The following TAF11 variants were observed in gnomAD, a reference collection of about 807,000 sequenced individuals.
TAF11 encodes the protein TATA-box binding protein associated factor 11.
Under a neutral mutation model 23.0 loss-of-function variants are expected in TAF11, and 10 were observed. The observed-to-expected ratio is 0.43, with a 90% CI of 0.27 to 0.74. The LOEUF (loss-of-function observed/expected upper bound fraction) is 0.74. TAF11 is among the 30% of genes least tolerant of loss of function. The pLI is 0.19. For missense variants in TAF11, 196 were observed against 261.7 expected, an observed-to-expected ratio of 0.75 and a Z score of 1.73; for synonymous variants, 85 against 95.8, an observed-to-expected ratio of 0.89 and a Z score of 0.66.
In TAF11 at chr6:34,880,173, T is replaced by A; in HGVS notation, c.409-110A>T. On this transcript the variant is annotated intron_variant, in intron 3 of 4. Coordinates refer to ENST00000361288, the MANE Select transcript of TAF11 (RefSeq NM_005643.4). The surrounding 1 kb of genome is among the most constrained non-coding windows in gnomAD (Gnocchi z 4.8). The stretch of plus-strand genomic sequence containing the variant: ...TAAGATAACTGAAGTGCATTTTTTT[T>A]CCCACCTAAATAATCCCCTGACTTG... The A allele has an allele frequency of 6.6e-7, 1 of 1,519,908 alleles. No individual in the cohort carries two copies. The highest frequency in any genetic ancestry group is 9.1e-7 in the Non-Finnish European group (1 of 1,100,102). 94.2% of individuals were successfully genotyped at this position (1,519,908 alleles called of 1,614,324 possible). A position where few individuals can be genotyped will look rare whatever the true frequency, so the allele number is the denominator to read the frequency against.
intron 2 of TAF11, 86 bp downstream of exon 2, chr6:34,882,844 AAG>A: frequency 9.0e-6 from 13 of 1,445,074 alleles, no homozygotes; most frequent in Non-Finnish European, 1.2e-5. Context: ...GAGTTTATAA[AAG>A]AAAATTTAAA....
chr6:34,883,381 C>CT (rs3215537), intron 1 of TAF11, among the ~76,000 whole-genome samples: 70,364 of 151,856 alleles, frequency 0.46, 21,526 homozygotes, highest in African/African-American at 0.85. Flanking sequence ...CACCCTCCCC[C>CT]GGGCCCACTC....
intron 2 of TAF11, among the ~76,000 whole-genome samples, chr6:34,881,205 C>A (rs956507266): frequency 6.6e-6 from 1 of 152,108 alleles, no homozygotes; most frequent in African/African-American, 2.4e-5. Flanking sequence ...CAACCAGAAG[C>A]ACTATAGGGA....
rs1561822202 is a variant in TAF11, at chr6:34,878,653, A to G, written c.573T>C (p.Val191=). 3 of 1,614,036 alleles carry G rather than the reference A, an allele frequency of 1.9e-6. No homozygotes were observed. In the East Asian group the frequency reaches 6.7e-5, roughly 36 times the overall value. The change falls in exon 5 of 5, where the codon GTT becomes GTC. Residue 191 remains valine, a synonymous_variant. Transcript: ENST00000361288. ...PLQPKHMREA[V]RRLKSKGQIP... ...TCTGTCCTTTTGACTTTAACCTTCT[A>G]ACGGCTTCCCTCATATGTTTGGGTT...
chr6:34,879,528 A>T (rs1050978361), intron 4 of TAF11: 57 of 984,296 alleles, frequency 5.8e-5, no homozygotes, highest in Middle Eastern at 1.0e-3. Context: ...AAAAAAAAAA[A>T]TTTCACCAGC....
intron 1 of TAF11, among the ~76,000 whole-genome samples, chr6:34,887,564 A>T (rs1260241182): frequency 6.6e-6 from 1 of 152,108 alleles, no homozygotes; most frequent in African/African-American, 2.4e-5. Context: ...ATCCCTAAAG[A>T]CAAGACTAAA....
rs1483557076 is a variant in TAF11, at chr6:34,880,980, TG to T, written c.321-605del. Among the ~76,000 whole-genome samples, 1 of 152,158 alleles carries T rather than the reference TG, an allele frequency of 6.6e-6. No individual in the cohort carries two copies. Among genetic ancestry groups the T allele is most frequent in the Non-Finnish European group, 1.5e-5 (1 of 68,002 alleles). On this transcript the variant is annotated intron_variant, in intron 2 of 4. Transcript: ENST00000361288. The surrounding 1 kb of genome is among the most constrained non-coding windows in gnomAD (Gnocchi z 4.8). ...AATCAGACCACTATTAAAAAAAGAA[TG>T]GTATTAGAATATGGGACACAAACAC...
At chr6:34,882,901 C>G (rs777800506) in intron 2 of TAF11, 31 bp downstream of exon 2, 1 of 1,566,624 alleles carries the variant, frequency 6.4e-7, no homozygotes, top group Admixed American at 2.0e-5. Context: ...GTGAGAGCCT[C>G]GAAATGGGGA....
At chr6:34,887,467 T>C (rs1402854172) in intron 1 of TAF11, among the ~76,000 whole-genome samples, 1 of 152,196 alleles carries the variant, frequency 6.6e-6, no homozygotes, top group Non-Finnish European at 1.5e-5. Context: ...TTTTAGCTCT[T>C]GCACTACGTC....
At chr6:34,882,607 G>C (rs1225111591) in intron 2 of TAF11, among the ~76,000 whole-genome samples, 1 of 151,690 alleles carries the variant, frequency 6.6e-6, no homozygotes, top group Non-Finnish European at 1.5e-5. Context: ...TCACACCATT[G>C]CACTCCAGCC....
intron 2 of TAF11, among the ~76,000 whole-genome samples, chr6:34,881,853 C>T (rs976562879): frequency 6.6e-6 from 1 of 151,460 alleles, no homozygotes; most frequent in African/African-American, 2.4e-5. Context: ...CCCACCACGA[C>T]ACCTGGCTAA....
At chr6:34,879,825 T>C (rs761136527) in intron 4 of TAF11, 142 bp downstream of exon 4, 28 of 1,444,068 alleles carry the variant, frequency 1.9e-5, no homozygotes, top group Non-Finnish European at 2.5e-5. Flanking sequence ...CATGTTCTCC[T>C]AAATAAAGGG....
chr6:34,883,569 T>C (rs1766482772), intron 1 of TAF11, among the ~76,000 whole-genome samples: 1 of 152,244 alleles, frequency 6.6e-6, no homozygotes, highest in Admixed American at 6.5e-5. Context: ...TCAAGTGAGC[T>C]TCTCACACGT....
intron 2 of TAF11, among the ~76,000 whole-genome samples, chr6:34,882,669 A>G (rs79218606): frequency 6.6e-6 from 1 of 151,268 alleles, no homozygotes; most frequent in African/African-American, 2.4e-5. Flanking sequence ...AAAAAAAAAA[A>G]CATAACATAA....
chr6:34,879,773 G>T (rs1345858321), intron 4 of TAF11, 194 bp downstream of exon 4: 1 of 985,286 alleles, frequency 1.0e-6, no homozygotes, highest in Non-Finnish European at 1.2e-6. Context: ...TTCCCAGATG[G>T]TTCCTTACCA....
intron 1 of TAF11, among the ~76,000 whole-genome samples, chr6:34,884,971 T>A (rs1050096163): frequency 6.8e-6 from 1 of 147,224 alleles, no homozygotes; most frequent in African/African-American, 2.7e-5. Flanking sequence ...TATTTTGTAA[T>A]GTTATACATT....
In TAF11 at chr6:34,878,557, C is replaced by G; in HGVS notation, c.*33G>C. 1 of 1,182,674 alleles carries G rather than the reference C, an allele frequency of 8.5e-7. No individual in the cohort carries two copies. The allele number at this position is 1,182,674 out of a possible 1,614,324, so 73.3% of individuals were successfully genotyped here. A position where few individuals can be genotyped will look rare whatever the true frequency, so the allele number is the denominator to read the frequency against. Reference sequence around the variant, plus strand: ...AGGAAGTCTGGAACCAATACTTCTTCCGTCAGTAACATAGGCCTTTCTAGA... The same window carrying G: ...AGGAAGTCTGGAACCAATACTTCTTGCGTCAGTAACATAGGCCTTTCTAGA... On this transcript the variant is annotated 3_prime_UTR_variant, in exon 5 of 5. Coordinates refer to ENST00000361288, the MANE Select transcript of TAF11 (RefSeq NM_005643.4).
Position 34,882,956 on chromosome 6 carries a change from T to C in TAF11, c.296A>G (p.Asp99Gly). Reference sequence around the variant, plus strand: ...CTGCATCTTCTGAATCTCATCTTCATCTACTTTCTGCTTTTTCTCTTTCTT... The same window carrying C: ...CTGCATCTTCTGAATCTCATCTTCACCTACTTTCTGCTTTTTCTCTTTCTT... ...KEKKEKKQKV[D>G]EDEIQKMQIL... Residue 99 changes from aspartate to glycine, a missense_variant, in exon 2 of 5, where the codon GAT becomes GGT. Asp to Gly is a moderately conservative substitution (Grantham distance 94). Coordinates refer to ENST00000361288, the MANE Select transcript of TAF11 (RefSeq NM_005643.4). 6.2e-7 allele frequency: 1 copy of C among 1,606,950 alleles called. No individual in the cohort carries two copies. Among genetic ancestry groups the C allele is most frequent in the Non-Finnish European group, 8.5e-7 (1 of 1,177,874 alleles).
chr6:34,881,750 G>A (rs1396006455), intron 2 of TAF11, among the ~76,000 whole-genome samples: 1 of 151,940 alleles, frequency 6.6e-6, no homozygotes. Context: ...AGGCTGGAGT[G>A]CAGTGGCGCA....
Sources: gnomAD v4.1 joint callset for allele counts (sites outside exome capture counted in the v4.1 genomes callset) on GRCh38, gnomAD v4.1.1 for gene constraint, Gnocchi (gnomAD v3.1) non-coding constraint, MANE v1.5 for transcripts, NCBI Gene and HGNC (gene_info 2026-07-23, HGNC 2026-07-21) for gene names.